The following ERC2 variants were observed in gnomAD, a reference collection of about 807,000 sequenced individuals.
ERC2 encodes the protein ELKS/RAB6-interacting/CAST family member 2, also known as ERC protein 2.
In ERC2, 42 loss-of-function variants were observed where a neutral mutation model predicts 114.8. The observed-to-expected ratio is 0.37, with a 90% CI of 0.29 to 0.47. ERC2 has a LOEUF of 0.47. Ranked by LOEUF, ERC2 falls within the 20% of genes least tolerant of loss-of-function variation. The probability of loss-of-function intolerance (pLI) is 0.99; values close to 1 mark genes in which losing one functional copy is unlikely to be tolerated. For missense variants in ERC2, 939 were observed against 1,150.7 expected, an observed-to-expected ratio of 0.82 and a Z score of 2.66; for synonymous variants, 454 against 425.5, an observed-to-expected ratio of 1.07 and a Z score of -0.82.
At chr3:56,441,417 C>T (rs1408803539) in intron 1 of ERC2, among the ~76,000 whole-genome samples, 1 of 152,280 alleles carries the variant, frequency 6.6e-6, no homozygotes, top group East Asian at 1.9e-4. Context: ...TAAAGCCCCA[C>T]TCCAAGTTTT....
intron 6 of ERC2, among the ~76,000 whole-genome samples, chr3:56,115,895 T>G (rs1422406352): frequency 2.0e-5 from 3 of 152,098 alleles, no homozygotes; most frequent in African/African-American, 7.2e-5. Context: ...ACCCTCCCCC[T>G]GCTGTAATCC....
chr3:56,279,008 T>C (rs2054181463), intron 3 of ERC2, among the ~76,000 whole-genome samples: 1 of 152,156 alleles, frequency 6.6e-6, no homozygotes, highest in African/African-American at 2.4e-5. Context: ...CAGGCAGAAA[T>C]GGTAATTTCC....
chr3:56,332,418 T>C (rs556615037), intron 2 of ERC2, among the ~76,000 whole-genome samples: 18 of 152,346 alleles, frequency 1.2e-4, no homozygotes, highest in African/African-American at 4.1e-4. Context: ...ATCAGTTCTA[T>C]GAGTTGGCTA....
chr3:56,208,223 G>T (rs2048855274), intron 3 of ERC2, among the ~76,000 whole-genome samples: 2 of 152,178 alleles, frequency 1.3e-5, no homozygotes, highest in Admixed American at 1.3e-4. Context: ...AAATCATAAA[G>T]ATGTCATAGG....
At chr3:56,164,209 C>T (rs1297381412) in intron 4 of ERC2, among the ~76,000 whole-genome samples, 1 of 151,972 alleles carries the variant, frequency 6.6e-6, no homozygotes, top group Non-Finnish European at 1.5e-5. Context: ...AATTCCAGAA[C>T]ATTTTCATCA....
At chr3:56,061,837 T>C (rs1042162694) in intron 7 of ERC2, among the ~76,000 whole-genome samples, 2 of 152,212 alleles carry the variant, frequency 1.3e-5, no homozygotes, top group African/African-American at 4.8e-5. Flanking sequence ...AAGTTCTGTA[T>C]CTGTAATTCA....
At chr3:55,526,673 C>G (rs1011597183) in intron 17 of ERC2, among the ~76,000 whole-genome samples, 5 of 152,202 alleles carry the variant, frequency 3.3e-5, no homozygotes, top group Non-Finnish European at 5.9e-5. Flanking sequence ...AAGGAAACCC[C>G]TGAAGATGAG....
chr3:55,629,165 C>T (rs1487973479), intron 17 of ERC2, among the ~76,000 whole-genome samples: 2 of 152,096 alleles, frequency 1.3e-5, no homozygotes, highest in East Asian at 3.8e-4. Context: ...CTTGCAGTCT[C>T]CTGGGCCTCG....
intron 16 of ERC2, among the ~76,000 whole-genome samples, chr3:55,695,868 A>C (rs1383079806): frequency 6.6e-6 from 1 of 152,216 alleles, no homozygotes; most frequent in Non-Finnish European, 1.5e-5. Context: ...AAGTCTGGGA[A>C]ATACTGGATT....
intron 17 of ERC2, chr3:55,610,787 G>A (rs1481901659): frequency 6.6e-6 from 1 of 152,184 alleles, no homozygotes; most frequent in East Asian, 1.9e-4. Flanking sequence ...GAAGAAAAAT[G>A]TATCAAATAG....
rs142935366 is a variant in ERC2, at chr3:55,801,259, G to C, written c.2565-66341C>G. On this transcript the variant is annotated intron_variant, in intron 14 of 17. Transcript: ENST00000288221. The stretch of plus-strand genomic sequence containing the variant: ...GACGCCCATAAACTGAGAGACCTGG[G>C]TAATTCCCGGACCTGGGTAAAGTCC... Among the ~76,000 whole-genome samples, 894 of 152,294 alleles carry C rather than the reference G, an allele frequency of 5.9e-3. 4 individuals carry two copies. The highest frequency in any genetic ancestry group is 9.4e-3 in the Non-Finnish European group (641 of 68,030).
chr3:55,862,421 G>T (rs185884717), intron 14 of ERC2, among the ~76,000 whole-genome samples: 7 of 152,044 alleles, frequency 4.6e-5, no homozygotes, highest in Non-Finnish European at 7.4e-5. Context: ...ACTTCCTCCC[G>T]TTGGGACACA....
chr3:56,249,520 G>A (rs2051977821), intron 3 of ERC2, among the ~76,000 whole-genome samples: 1 of 151,920 alleles, frequency 6.6e-6, no homozygotes, highest in Non-Finnish European at 1.5e-5. Context: ...TAGAGACGGG[G>A]TTTCACTGTG....
At chr3:56,101,435 A>G (rs141117058) in intron 6 of ERC2, among the ~76,000 whole-genome samples, 4 of 152,350 alleles carry the variant, frequency 2.6e-5, no homozygotes, top group African/African-American at 4.8e-5. Context: ...TCCTCTTTAA[A>G]ACAATGTAAT....
chr3:56,209,820 T>C (rs1168192952), intron 3 of ERC2, among the ~76,000 whole-genome samples: 1 of 152,118 alleles, frequency 6.6e-6, no homozygotes, highest in Non-Finnish European at 1.5e-5. Context: ...TCAAGTGAGT[T>C]GACCATGAAA....
rs1302030120 is a variant in ERC2 at position 55,952,178 on chromosome 3, C to CTATAT, written c.2268-1619_2268-1618insATATA. Among the ~76,000 whole-genome samples, 271 of 41,694 alleles carry CTATAT rather than the reference C, an allele frequency of 6.5e-3. 3 individuals carry two copies. Among genetic ancestry groups the CTATAT allele is most frequent in the African/African-American group, 7.9e-3 (116 of 14,692 alleles). The allele number at this position is 41,694 out of a possible 152,430, so 27.4% of individuals were successfully genotyped here. Reference sequence around the variant, plus strand: ...ACACACACACACACACACACACACACACTCTCTCTCTCTCTCTCTCTATAT... The same window carrying CTATAT: ...ACACACACACACACACACACACACACTATATACTCTCTCTCTCTCTCTCTCTATAT... On this transcript the variant is annotated intron_variant, in intron 12 of 17. Coordinates refer to ENST00000288221, the MANE Select transcript of ERC2 (RefSeq NM_015576.3).
chr3:56,048,551 C>T (rs992651529), intron 7 of ERC2, among the ~76,000 whole-genome samples: 1 of 152,070 alleles, frequency 6.6e-6, no homozygotes, highest in South Asian at 2.1e-4. Context: ...CTATTAGCAC[C>T]GCAGGTCCAG....
intron 17 of ERC2, among the ~76,000 whole-genome samples, chr3:55,649,103 A>G (rs1460559044): frequency 6.6e-6 from 1 of 152,130 alleles, no homozygotes; most frequent in South Asian, 2.1e-4. Context: ...TTCCCCAAAC[A>G]TTCCAGAGAC....
At chr3:55,896,562 TG>T (rs1559833737) in intron 13 of ERC2, among the ~76,000 whole-genome samples, 1 of 152,216 alleles carries the variant, frequency 6.6e-6, no homozygotes, top group Non-Finnish European at 1.5e-5. Flanking sequence ...TAATATTTCC[TG>T]GGGAAAAAAG....
Sources: gnomAD v4.1 joint callset for allele counts (sites outside exome capture counted in the v4.1 genomes callset) on GRCh38, gnomAD v4.1.1 for gene constraint, MANE v1.5 for transcripts, NCBI Gene and HGNC (gene_info 2026-07-23, HGNC 2026-07-21) for gene names.